The following DPYD variants were observed in gnomAD, a reference collection of about 807,000 sequenced individuals.
DPYD encodes dihydropyrimidine dehydrogenase, also known as dihydropyrimidine dehydrogenase [NADP(+)].
A neutral mutation model predicts 116.2 loss-of-function variants in DPYD; 109 were observed. The ratio of observed to expected loss-of-function variants is 0.94; its 90% confidence interval spans 0.80 to 1.10. The LOEUF is 1.10. DPYD is among the 50% of genes least tolerant of loss of function. DPYD has a pLI of 0.00. For synonymous variants in DPYD, 440 were observed against 432.0 expected, an observed-to-expected ratio of 1.02 and a Z score of -0.23; for missense variants, 1,302 against 1,254.5, an observed-to-expected ratio of 1.04 and a Z score of -0.57.
chr1:97,135,469 T>C (rs1384676051), intron 20 of DPYD, among the ~76,000 whole-genome samples: 1 of 152,162 alleles, frequency 6.6e-6, no homozygotes, highest in Non-Finnish European at 1.5e-5. Flanking sequence ...TTTAATAATA[T>C]AGCTTATCTT....
chr1:97,440,317 C>T (rs1675705891), intron 14 of DPYD, among the ~76,000 whole-genome samples: 1 of 150,914 alleles, frequency 6.6e-6, no homozygotes. Flanking sequence ...AATTGCGGTG[C>T]TTAGACCATT....
chr1:97,480,217 T>C (rs1678222492), intron 13 of DPYD, among the ~76,000 whole-genome samples: 1 of 152,114 alleles, frequency 6.6e-6, no homozygotes, highest in Non-Finnish European at 1.5e-5. Flanking sequence ...GGATGACTGG[T>C]TTTAGGAAAA....
intron 1 of DPYD, among the ~76,000 whole-genome samples, chr1:97,908,336 G>A (rs373889317): frequency 3.5e-4 from 53 of 152,052 alleles, no homozygotes; most frequent in African/African-American, 1.2e-3. Flanking sequence ...GTAAGTCATC[G>A]TACCTGGCCT....
intron 14 of DPYD, among the ~76,000 whole-genome samples, chr1:97,407,924 T>C (rs1034146009): frequency 2.6e-5 from 4 of 152,332 alleles, no homozygotes; most frequent in African/African-American, 7.2e-5. Flanking sequence ...CATTTTGGGC[T>C]ACCTCTCAGT....
intron 3 of DPYD, among the ~76,000 whole-genome samples, chr1:97,806,656 T>A (rs151318140): frequency 6.6e-6 from 1 of 151,926 alleles, no homozygotes; most frequent in Non-Finnish European, 1.5e-5. Flanking sequence ...TGAACTAACA[T>A]TGACACATCA....
intron 13 of DPYD, among the ~76,000 whole-genome samples, chr1:97,480,609 C>A (rs1375701039): frequency 6.6e-6 from 1 of 152,160 alleles, no homozygotes; most frequent in Non-Finnish European, 1.5e-5. Context: ...TGAATTTCAT[C>A]AAAATATTTT....
At chr1:97,437,734 T>G (rs997915931) in intron 14 of DPYD, among the ~76,000 whole-genome samples, 2 of 152,024 alleles carry the variant, frequency 1.3e-5, no homozygotes, top group African/African-American at 4.8e-5. Flanking sequence ...GAAATGTTTT[T>G]AATTTGTATC....
chr1:97,636,293 A>C (rs964195512), intron 8 of DPYD, among the ~76,000 whole-genome samples: 1 of 151,886 alleles, frequency 6.6e-6, no homozygotes, highest in Non-Finnish European at 1.5e-5. Context: ...TGTTGATCCT[A>C]TTTCATCCCT....
At chr1:97,862,889 C>A (rs957505237) in intron 2 of DPYD, among the ~76,000 whole-genome samples, 2 of 151,786 alleles carry the variant, frequency 1.3e-5, no homozygotes, top group Non-Finnish European at 2.9e-5. Context: ...AATATAGCAA[C>A]AGGAAAAACA....
At chr1:97,457,770 C>A (rs1412400383) in intron 13 of DPYD, among the ~76,000 whole-genome samples, 1 of 152,106 alleles carries the variant, frequency 6.6e-6, no homozygotes, top group Non-Finnish European at 1.5e-5. Flanking sequence ...ATTGCAGAGT[C>A]CTGAATGACT....
At chr1:97,276,674 C>G (rs1664945766) in intron 18 of DPYD, among the ~76,000 whole-genome samples, 1 of 107,338 alleles carries the variant, frequency 9.3e-6, no homozygotes, top group Non-Finnish European at 1.8e-5. Context: ...AAGACTCTGT[C>G]TCAAAAAAAA....
At chr1:97,198,320 A>G (rs1658957385) in intron 19 of DPYD, among the ~76,000 whole-genome samples, 1 of 152,212 alleles carries the variant, frequency 6.6e-6, no homozygotes, top group Non-Finnish European at 1.5e-5. Context: ...GTTTCTTCTT[A>G]ATTTTTACTA....
intron 20 of DPYD, among the ~76,000 whole-genome samples, chr1:97,118,786 TAAGTTTTATA>T (rs1652187574): frequency 6.6e-6 from 1 of 152,170 alleles, no homozygotes; most frequent in East Asian, 1.9e-4. Flanking sequence ...AAAAATATTC[TAAGTTTTATA>T]ATCACATTTA....
intron 12 of DPYD, among the ~76,000 whole-genome samples, chr1:97,532,302 T>A (rs971262232): frequency 5.9e-5 from 9 of 152,152 alleles, no homozygotes; most frequent in Non-Finnish European, 1.2e-4. Flanking sequence ...ATTGAAAGTT[T>A]TTGCATCCAT....
chr1:97,620,214 T>C (rs1656550259), intron 8 of DPYD, among the ~76,000 whole-genome samples: 2 of 152,128 alleles, frequency 1.3e-5, no homozygotes, highest in South Asian at 2.1e-4. Context: ...CTTTTTGTCC[T>C]TTTAAAAAAA....
intron 3 of DPYD, among the ~76,000 whole-genome samples, chr1:97,791,218 C>T (rs747170591): frequency 1.3e-5 from 2 of 152,176 alleles, no homozygotes; most frequent in Non-Finnish European, 1.5e-5. Context: ...CGACCCCTTC[C>T]TATCAAATGT....
At chr1:97,700,360 A>G in intron 5 of DPYD, 1 of 444,716 alleles carries the variant, frequency 2.2e-6, no homozygotes, top group South Asian at 1.6e-5. Context: ...ATATGACAAA[A>G]ACCTAAAGAT....
At chr1:97,766,225 GA>G (rs1228943569) in intron 3 of DPYD, among the ~76,000 whole-genome samples, 1 of 152,068 alleles carries the variant, frequency 6.6e-6, no homozygotes, top group East Asian at 1.9e-4. Flanking sequence ...TAGGCAACAA[GA>G]GAGAAACTCA....
At chr1:97,140,354 A>C (rs1044848373) in intron 20 of DPYD, among the ~76,000 whole-genome samples, 1 of 152,122 alleles carries the variant, frequency 6.6e-6, no homozygotes, top group Non-Finnish European at 1.5e-5. Flanking sequence ...CCTGCCAAGG[A>C]GAGGTAATCC....
Sources: gnomAD v4.1 joint callset for allele counts (sites outside exome capture counted in the v4.1 genomes callset) on GRCh38, gnomAD v4.1.1 for gene constraint, MANE v1.5 for transcripts, NCBI Gene and HGNC (gene_info 2026-07-23, HGNC 2026-07-21) for gene names.